The following KCNN2 variants were observed in gnomAD, a reference collection of about 807,000 sequenced individuals.
KCNN2 encodes potassium calcium-activated channel subfamily N member 2, also known as small conductance calcium-activated potassium channel protein 2.
In KCNN2, 24 loss-of-function variants were observed where a neutral mutation model predicts 55.5. The ratio of observed to expected loss-of-function variants is 0.43; its 90% CI spans 0.31 to 0.61. The LOEUF is 0.61. Among genes scored for constraint, KCNN2 ranks in the 20% least tolerant of loss-of-function variants. The pLI is 0.08. For missense variants in KCNN2, 754 were observed against 853.6 expected (o/e 0.88, Z 1.45); for synonymous variants, 431 against 336.1 (o/e 1.28, Z -3.09).
chr5:114,456,328 G>A (rs547504628), intron 3 of KCNN2, among the ~76,000 whole-genome samples: 9 of 152,302 alleles, frequency 5.9e-5, no homozygotes, highest in East Asian at 5.8e-4. Flanking sequence ...CTGGATGACA[G>A]CACATCTGTT....
At chr5:114,235,606 G>A (rs1388815306) in intron 2 of KCNN2, among the ~76,000 whole-genome samples, 3 of 152,172 alleles carry the variant, frequency 2.0e-5, no homozygotes, top group South Asian at 2.1e-4. Context: ...GTGTATACAT[G>A]TGCTTTTGCT....
intron 1 of KCNN2, among the ~76,000 whole-genome samples, chr5:114,060,617 G>A (rs1165213166): frequency 6.6e-6 from 1 of 152,180 alleles, no homozygotes; most frequent in Non-Finnish European, 1.5e-5. Flanking sequence ...GTAGGCTTTG[G>A]GATATAATAG....
In KCNN2 at chr5:114,436,277, G is replaced by A. The variant is rs904881616; in HGVS notation, c.1638-26772G>A. ...TTTTGAAGTATTTTTTAAGTTTTAG[G>A]TGTTTAATCAGTGTAACAGATTTAG... On this transcript the variant is annotated intron_variant, in intron 3 of 7. Coordinates refer to ENST00000673685, the MANE Select transcript of KCNN2 (RefSeq NM_021614.4). 8.5e-5 allele frequency among the ~76,000 whole-genome samples: 13 copies of A among 152,196 alleles called. 1 individual carries two copies. Among genetic ancestry groups the A allele is most frequent in the Non-Finnish European group, 1.5e-5 (1 of 68,030 alleles).
intron 3 of KCNN2, among the ~76,000 whole-genome samples, chr5:114,409,435 T>A (rs968986309): frequency 6.6e-6 from 1 of 152,172 alleles, no homozygotes; most frequent in Non-Finnish European, 1.5e-5. Context: ...TTTCCCCTCT[T>A]ATATGAAGTT....
At chr5:114,253,132 CTTTT>C (rs35260445) in intron 2 of KCNN2, among the ~76,000 whole-genome samples, 16 of 140,436 alleles carry the variant, frequency 1.1e-4, no homozygotes, top group African/African-American at 3.7e-4. Context: ...TTCTTGCTTT[CTTTT>C]TTTTTTTTTC....
At chr5:114,472,135 C>T in intron 4 of KCNN2, among the ~76,000 whole-genome samples, 1 of 152,270 alleles carries the variant, frequency 6.6e-6, no homozygotes, top group African/African-American at 2.4e-5. Flanking sequence ...TCACATGCCC[C>T]CTTCCCTGCT....
chr5:114,449,698 A>G (rs375894385), intron 3 of KCNN2, among the ~76,000 whole-genome samples: 3 of 152,298 alleles, frequency 2.0e-5, no homozygotes, highest in Admixed American at 1.3e-4. Flanking sequence ...CTTCAAATGC[A>G]GGTTCATTTC....
chr5:114,249,165 A>C (rs552221745), intron 2 of KCNN2, among the ~76,000 whole-genome samples: 1 of 152,076 alleles, frequency 6.6e-6, no homozygotes, highest in South Asian at 2.1e-4. Flanking sequence ...TGATGATTCA[A>C]TGGAGATTAA....
intron 2 of KCNN2, among the ~76,000 whole-genome samples, chr5:114,251,854 T>A (rs1232199893): frequency 6.6e-6 from 1 of 151,446 alleles, no homozygotes; most frequent in Non-Finnish European, 1.5e-5. Flanking sequence ...GTTTATATGG[T>A]TTTTCTGTTT....
At chr5:114,370,872 C>T (rs1166692403) in intron 2 of KCNN2, among the ~76,000 whole-genome samples, 1 of 152,126 alleles carries the variant, frequency 6.6e-6, no homozygotes, top group Non-Finnish European at 1.5e-5. Flanking sequence ...TTAAAGCAGG[C>T]AAGGCTCATG....
chr5:114,371,990 C>T (rs1009596705), intron 2 of KCNN2, among the ~76,000 whole-genome samples: 5 of 152,152 alleles, frequency 3.3e-5, no homozygotes, highest in Admixed American at 3.3e-4. Context: ...CTCAGCTTTA[C>T]GTTTACTAAC....
At chr5:114,107,463 C>T (rs112355373) in intron 1 of KCNN2, among the ~76,000 whole-genome samples, 17,735 of 152,116 alleles carry the variant, frequency 0.12, 1,147 homozygotes, top group Middle Eastern at 0.17. Context: ...TGGCTCGCTG[C>T]AGCCTCAACA....
intron 1 of KCNN2, among the ~76,000 whole-genome samples, chr5:114,185,356 T>G (rs1483887185): frequency 6.6e-6 from 1 of 152,226 alleles, no homozygotes; most frequent in East Asian, 1.9e-4. Context: ...CATGAAAATC[T>G]TGAAACGTAA....
intron 7 of KCNN2, among the ~76,000 whole-genome samples, chr5:114,494,508 G>A (rs34484477): frequency 0.11 from 17,410 of 151,538 alleles, 1,206 homozygotes; most frequent in Middle Eastern, 0.17. Flanking sequence ...CTCGATTAAC[G>A]TGTATAAATG....
chr5:114,394,308 A>G (rs961212034), intron 2 of KCNN2, among the ~76,000 whole-genome samples: 3 of 152,152 alleles, frequency 2.0e-5, no homozygotes, highest in African/African-American at 7.2e-5. Flanking sequence ...TAAGGCTTGT[A>G]TCCTGCATTC....
At chr5:114,384,810 A>T (rs1457710005) in intron 2 of KCNN2, among the ~76,000 whole-genome samples, 1 of 152,158 alleles carries the variant, frequency 6.6e-6, no homozygotes, top group Non-Finnish European at 1.5e-5. Context: ...GGATTGATTC[A>T]TCCAGTCTGC....
At chr5:114,068,914 A>G (rs1750507525) in intron 1 of KCNN2, among the ~76,000 whole-genome samples, 1 of 151,966 alleles carries the variant, frequency 6.6e-6, no homozygotes, top group South Asian at 2.1e-4. Flanking sequence ...TCCAGATTCA[A>G]CCGATTCTCC....
At chr5:114,417,894 G>A (rs888561228) in intron 3 of KCNN2, among the ~76,000 whole-genome samples, 1 of 152,270 alleles carries the variant, frequency 6.6e-6, no homozygotes, top group Non-Finnish European at 1.5e-5. Context: ...TAGCCACAGA[G>A]CCCAGAGCCC....
At chr5:114,140,029 A>T (rs80139893) in intron 1 of KCNN2, among the ~76,000 whole-genome samples, 1 of 152,028 alleles carries the variant, frequency 6.6e-6, no homozygotes, top group Non-Finnish European at 1.5e-5. Context: ...CTTCTCACCT[A>T]CTGTTTTTGT....
Sources: allele counts gnomAD v4.1 joint callset (sites outside exome capture counted in the v4.1 genomes callset), GRCh38; gene constraint gnomAD v4.1.1; transcripts MANE v1.5; gene names NCBI Gene and HGNC (gene_info 2026-07-23, HGNC 2026-07-21).